Variants in RAB1A observed in about 807,000 individuals in gnomAD.
The protein encoded by RAB1A is ras-related protein Rab-1A.
Under a neutral mutation model 26.0 loss-of-function variants are expected in RAB1A, and 2 were observed. The ratio of observed to expected loss-of-function variants is 0.08; its 90% CI spans 0.03 to 0.24. RAB1A has a LOEUF of 0.24. Among genes scored for constraint, RAB1A ranks in the 10% least tolerant of loss-of-function variants. The pLI is 1.00. For missense variants in RAB1A, 100 were observed against 247.0 expected (o/e 0.40, Z 3.99); for synonymous variants, 84 against 84.9 (o/e 0.99, Z 0.06).
chr2:65,097,993 C>G lies in RAB1A; in HGVS notation c.170G>C (p.Gly57Ala). 6.4e-7 allele frequency: 1 copy of G among 1,570,980 alleles called. No individual in the cohort carries two copies. Among genetic ancestry groups the G allele is most frequent in the Non-Finnish European group, 8.7e-7 (1 of 1,155,074 alleles). Reference protein sequence around the residue: ...DFKIRTIELDGKTIKLQIWDT... With the variant: ...DFKIRTIELDAKTIKLQIWDT... ...TACTATTTGAAGCTTGATTGTTTTC[C>G]CGTCTAACTCTATAGTTCTTATTTT... The change falls in exon 3 of 6, where the codon GGG becomes GCG. Residue 57 changes from glycine to alanine, a missense_variant. Transcript: ENST00000409784.
At chr2:65,123,643 T>C (rs1010380250) in intron 1 of RAB1A, among the ~76,000 whole-genome samples, 17 of 151,958 alleles carry the variant, frequency 1.1e-4, no homozygotes, top group African/African-American at 3.9e-4. Context: ...CTGGCCAACA[T>C]AGTGAAACCC....
chr2:65,103,370 T>C (rs1669481874), intron 2 of RAB1A, among the ~76,000 whole-genome samples: 1 of 151,942 alleles, frequency 6.6e-6, no homozygotes, highest in African/African-American at 2.4e-5. Flanking sequence ...GGAATACTCA[T>C]GGATCAACAT....
rs760360727 is a variant in RAB1A at position 65,123,717 on chromosome 2, T to C, written c.23+6176A>G. The stretch of plus-strand genomic sequence containing the variant: ...GGCACACACCTGTACTCCCAGCTAC[T>C]TGAGAGGCTGAGGTGGAAGAATCAC... On this transcript the variant is annotated intron_variant, in intron 1 of 5. Coordinates refer to ENST00000409784, the MANE Select transcript of RAB1A (RefSeq NM_004161.5). Among the ~76,000 whole-genome samples, 6 of 151,764 alleles carry C rather than the reference T, an allele frequency of 4.0e-5. No homozygotes were observed. The East Asian group carries it at 1.2e-3, about 30-fold the overall frequency.
intron 1 of RAB1A, among the ~76,000 whole-genome samples, chr2:65,115,557 C>T (rs139770958): frequency 3.5e-4 from 53 of 152,232 alleles, no homozygotes; most frequent in African/African-American, 1.2e-3. Flanking sequence ...TTACAGTGAG[C>T]ACATATTATT....
chr2:65,128,447 T>C (rs544539698), intron 1 of RAB1A, among the ~76,000 whole-genome samples: 38 of 152,120 alleles, frequency 2.5e-4, no homozygotes, highest in Non-Finnish European at 5.1e-4. Context: ...ACCAACTTTG[T>C]CCTTGGAGCC....
At chr2:65,104,908 G>A (rs1669517932) in intron 1 of RAB1A, 102 bp from the exon 2 acceptor site, 1 of 964,848 alleles carries the variant, frequency 1.0e-6, no homozygotes, top group Non-Finnish European at 1.7e-6. Context: ...TCACTGTGAA[G>A]ACTACATCTC....
At chr2:65,129,629 C>G (rs1009914006) in intron 1 of RAB1A, among the ~76,000 whole-genome samples, 8 of 152,000 alleles carry the variant, frequency 5.3e-5, no homozygotes, top group Non-Finnish European at 1.0e-4. Context: ...CAGGCTTCCT[C>G]AGCACCCGCC....
At chr2:65,106,307 CT>C in intron 1 of RAB1A, 3 of 268,286 alleles carry the variant, frequency 1.1e-5, no homozygotes, top group South Asian at 6.1e-5. Context: ...GTATTTTGTC[CT>C]TTTTGATTTA....
At chr2:65,127,961 C>G (rs552239659) in intron 1 of RAB1A, among the ~76,000 whole-genome samples, 1 of 152,220 alleles carries the variant, frequency 6.6e-6, no homozygotes, top group East Asian at 1.9e-4. Flanking sequence ...GTCTCGATCT[C>G]CTGACCTCGG....
At chr2:65,116,230 C>T (rs527424336) in intron 1 of RAB1A, among the ~76,000 whole-genome samples, 7 of 152,120 alleles carry the variant, frequency 4.6e-5, no homozygotes, top group South Asian at 2.1e-4. Context: ...TTGGGTAGTA[C>T]CAAAGGAAGC....
chr2:65,104,997 T>C lies in RAB1A; in HGVS notation c.24-191A>G, dbSNP rs933333711. Reference sequence around the variant, plus strand: ...TGACAGATCACTAAACATGATAAAATTATGTAAAAAGTAGGCAATGCCACC... The same window carrying C: ...TGACAGATCACTAAACATGATAAAACTATGTAAAAAGTAGGCAATGCCACC... On this transcript the variant is annotated intron_variant, in intron 1 of 5. Transcript: ENST00000409784. The C allele has an allele frequency of 4.3e-6, 3 of 694,154 alleles. No individual in the cohort carries two copies. In the East Asian group the frequency reaches 7.9e-5, roughly 18 times the overall value. The allele number at this position is 694,154 out of a possible 1,614,324, so 43.0% of individuals were successfully genotyped here.
chr2:65,122,293 A>G (rs2103881346), intron 1 of RAB1A, among the ~76,000 whole-genome samples: 1 of 151,804 alleles, frequency 6.6e-6, no homozygotes, highest in East Asian at 1.9e-4. Flanking sequence ...CATGCCTATA[A>G]TCCCAGCACT....
chr2:65,102,698 C>G (rs1321228621), intron 2 of RAB1A, among the ~76,000 whole-genome samples: 1 of 151,344 alleles, frequency 6.6e-6, no homozygotes, highest in Non-Finnish European at 1.5e-5. Context: ...GAGGCTGAGA[C>G]AAGCGGATCA....
At chr2:65,101,568 C>A (rs1669427510) in intron 2 of RAB1A, among the ~76,000 whole-genome samples, 2 of 152,060 alleles carry the variant, frequency 1.3e-5, no homozygotes, top group Admixed American at 6.6e-5. Flanking sequence ...ACGCCTGAGG[C>A]TACAGCTAGA....
At chr2:65,094,983 C>G (rs999092956) in intron 3 of RAB1A, among the ~76,000 whole-genome samples, 3 of 151,976 alleles carry the variant, frequency 2.0e-5, no homozygotes, top group Non-Finnish European at 4.4e-5. Context: ...CTCTACAAGG[C>G]GGAGGAATAA....
At chr2:65,125,175 A>T (rs59476922) in intron 1 of RAB1A, among the ~76,000 whole-genome samples, 7,089 of 152,204 alleles carry the variant, frequency 0.047, 536 homozygotes, top group African/African-American at 0.16. Context: ...GGGGCTAAAA[A>T]TAAGGTAAAT....
At chr2:65,093,272 TC>T (rs1347616944) in intron 3 of RAB1A, among the ~76,000 whole-genome samples, 4 of 152,212 alleles carry the variant, frequency 2.6e-5, no homozygotes, top group African/African-American at 9.7e-5. Context: ...TGTTTGTCTC[TC>T]CCATTGTCTG....
At chr2:65,103,942 C>T (rs915424051) in intron 2 of RAB1A, among the ~76,000 whole-genome samples, 1 of 152,178 alleles carries the variant, frequency 6.6e-6, no homozygotes, top group African/African-American at 2.4e-5. Flanking sequence ...CCACACCCAG[C>T]TAATTTTTTG....
At position 65,088,601 on chromosome 2, in the gene RAB1A, A is replaced by G. The variant is rs371151461; in HGVS notation, c.510T>C (p.Ala170=). 2 of 1,609,798 alleles carry G rather than the reference A, an allele frequency of 1.2e-6. No individual in the cohort carries two copies. Among genetic ancestry groups the G allele is most frequent in the South Asian group, 2.2e-5 (2 of 90,876 alleles). ...CGGGACCCATTCGCTTTTTAATCTCAGCTGCCATCGTCATGAAAGACTGTT... is the reference window on the plus strand; with the variant it reads ...CGGGACCCATTCGCTTTTTAATCTCGGCTGCCATCGTCATGAAAGACTGTT... ...NVEQSFMTMA[A]EIKKRMGPGA... The change falls in exon 6 of 6, where the codon GCT becomes GCC. Residue 170 remains alanine, a synonymous_variant. Coordinates refer to ENST00000409784, the MANE Select transcript of RAB1A (RefSeq NM_004161.5).
Sources: gnomAD v4.1 joint callset for allele counts (sites outside exome capture counted in the v4.1 genomes callset) on GRCh38, gnomAD v4.1.1 for gene constraint, MANE v1.5 for transcripts, NCBI Gene and HGNC (gene_info 2026-07-23, HGNC 2026-07-21) for gene names.